The following ACAD9 variants were observed in gnomAD, a reference collection of about 807,000 sequenced individuals.
The protein encoded by ACAD9 is acyl-CoA dehydrogenase family member 9, also known as complex I assembly factor ACAD9, mitochondrial.
A neutral mutation model predicts 70.2 loss-of-function variants in ACAD9; 53 were observed. The ratio of observed to expected loss-of-function variants is 0.75; its 90% CI spans 0.61 to 0.95. The LOEUF (loss-of-function observed/expected upper bound fraction) is 0.95, where lower values mean the gene tolerates loss of function less well. Among genes scored for constraint, ACAD9 ranks in the 40% least tolerant of loss-of-function variants. The pLI, the probability that ACAD9 is intolerant of heterozygous loss-of-function variation, is 0.00. For synonymous variants in ACAD9, 313 were observed against 312.1 expected, an observed-to-expected ratio of 1.00 and a Z score of -0.03; for missense variants, 777 against 802.8, an observed-to-expected ratio of 0.97 and a Z score of 0.39.
intron 2 of ACAD9, among the ~76,000 whole-genome samples, chr3:128,887,644 A>ATATATATATATATATATATATATATATAT (rs1935291126): frequency 7.5e-6 from 1 of 133,106 alleles, no homozygotes; most frequent in African/African-American, 2.9e-5. Flanking sequence ...AAAATAAATA[A>ATATATATATATATATATATATATATATAT]ATATATATAT....
chr3:128,906,042 C>G (rs1487548456), intron 11 of ACAD9, 79 bp from the exon 12 acceptor site: 3 of 1,605,178 alleles, frequency 1.9e-6, no homozygotes, highest in African/African-American at 1.3e-5. Flanking sequence ...GCCCGTGTGC[C>G]TCCCATGCCT....
chr3:128,897,308 A>G (rs1201642075), intron 5 of ACAD9, among the ~76,000 whole-genome samples: 1 of 152,028 alleles, frequency 6.6e-6, no homozygotes, highest in Non-Finnish European at 1.5e-5. Flanking sequence ...CAGCCTCCCG[A>G]GTAGCTGGGA....
Position 128,909,440 on chromosome 3 carries a change from G to A in ACAD9, c.1563+19G>A, listed in dbSNP as rs1206344926. 1 of 1,613,158 alleles carries A rather than the reference G, an allele frequency of 6.2e-7. No homozygotes were observed. The highest frequency in any genetic ancestry group is 8.5e-7 in the Non-Finnish European group (1 of 1,179,884). On this transcript the variant is annotated intron_variant, in intron 15 of 17. Transcript: ENST00000308982. ...TGGCAAGGTAACCAGGCCCTCCCAG[G>A]CCTGGGTCGCAAGCGGTCCTCCAAT...
chr3:128,901,431 T>C, intron 8 of ACAD9, 82 bp downstream of exon 8: 1 of 1,477,274 alleles, frequency 6.8e-7, no homozygotes, highest in Non-Finnish European at 9.5e-7. Flanking sequence ...CTATCCCTGC[T>C]CGTAGCAGAG....
chr3:128,888,479 C>T (rs986753110), intron 2 of ACAD9, among the ~76,000 whole-genome samples: 1 of 151,828 alleles, frequency 6.6e-6, no homozygotes, highest in African/African-American at 2.4e-5. Flanking sequence ...CTGGGGAGGC[C>T]GAGGCAGGAG....
Position 128,908,973 on chromosome 3 carries a change from T to C in ACAD9, c.1359T>C (p.His453=). 1 of 1,613,368 alleles carries C rather than the reference T, an allele frequency of 6.2e-7. No individual in the cohort carries two copies. The highest frequency in any genetic ancestry group is 8.5e-7 in the Non-Finnish European group (1 of 1,179,394). Residue 453 remains histidine, a splice_region_variant and synonymous_variant, in exon 14 of 18, where the codon CAT becomes CAC. Transcript: ENST00000308982. ...TCACAGGACCATGGACTTTCTGCAG[T>C]GAGCTTAAACAGGCCAAAGTGAGCA... is the stretch of plus-strand genomic sequence containing the variant. ...HAGRILTTRI[H]ELKQAKVSTV...
intron 12 of ACAD9, among the ~76,000 whole-genome samples, chr3:128,906,549 G>A (rs960452065): frequency 3.3e-5 from 5 of 152,194 alleles, no homozygotes; most frequent in Non-Finnish European, 7.3e-5. Context: ...ATGACAGAGT[G>A]TAAAGAGGCA....
intron 2 of ACAD9, 24 bp from the exon 3 acceptor site, chr3:128,893,531 T>G: frequency 1.9e-6 from 3 of 1,541,464 alleles, no homozygotes; most frequent in Non-Finnish European, 2.7e-6. Context: ...TATATTTGTT[T>G]AATCAAGATT....
intron 3 of ACAD9, 86 bp from the exon 4 acceptor site, chr3:128,895,224 A>C (rs1283082817): frequency 1.0e-6 from 1 of 997,452 alleles, no homozygotes; most frequent in Non-Finnish European, 1.5e-6. Flanking sequence ...ATTACTTTAT[A>C]ATCAGAAGAA....
At chr3:128,898,468 C>T (rs764198086) in intron 6 of ACAD9, 13 of 446,322 alleles carry the variant, frequency 2.9e-5, no homozygotes, top group East Asian at 1.4e-4. Flanking sequence ...TGCAGTGGCA[C>T]GATCTTGGCT....
chr3:128,889,176 A>C (rs1030082336), intron 2 of ACAD9, among the ~76,000 whole-genome samples: 2 of 151,652 alleles, frequency 1.3e-5, no homozygotes, highest in Non-Finnish European at 2.9e-5. Context: ...TAAAAAAAAA[A>C]AAACAAAAAA....
intron 3 of ACAD9, among the ~76,000 whole-genome samples, chr3:128,895,064 A>G (rs1249623509): frequency 6.6e-6 from 1 of 150,550 alleles, no homozygotes. Flanking sequence ...TTTAGTAGAG[A>G]CGGGGTTTTG....
At chr3:128,899,237 G>A (rs750328127) in intron 6 of ACAD9, 50 bp from the exon 7 acceptor site, 4 of 1,590,494 alleles carry the variant, frequency 2.5e-6, no homozygotes, top group Non-Finnish European at 3.5e-6. Flanking sequence ...GAGCTGAGGT[G>A]GGTCACATAG....
intron 5 of ACAD9, 147 bp downstream of exon 5, chr3:128,896,683 C>T (rs1935579638): frequency 3.8e-6 from 3 of 797,654 alleles, no homozygotes; most frequent in Non-Finnish European, 6.4e-6. Context: ...CTGTTCTTGC[C>T]ATTCCTCTTA....
intron 11 of ACAD9, 85 bp from the exon 12 acceptor site, chr3:128,906,036 G>T (rs186712694): frequency 6.3e-7 from 1 of 1,594,100 alleles, no homozygotes; most frequent in Non-Finnish European, 8.6e-7. Context: ...CCCCAAGCCC[G>T]TGTGCCTCCC....
chr3:128,894,347 A>G (rs1935505730), intron 3 of ACAD9, among the ~76,000 whole-genome samples: 1 of 152,178 alleles, frequency 6.6e-6, no homozygotes, highest in Non-Finnish European at 1.5e-5. Context: ...GGGTCACACT[A>G]TAGTTGTTGC....
At chr3:128,886,577 A>G (rs141418644) in intron 2 of ACAD9, among the ~76,000 whole-genome samples, 7,503 of 151,760 alleles carry the variant, frequency 0.049, 378 homozygotes, top group African/African-American at 0.12. Context: ...GCGTGGTGGT[A>G]CATGCCTGTA....
chr3:128,908,782 G>C (rs1308671573), intron 13 of ACAD9, among the ~76,000 whole-genome samples, 191 bp from the exon 14 acceptor site: 2 of 152,210 alleles, frequency 1.3e-5, no homozygotes, highest in Non-Finnish European at 2.9e-5. Context: ...GAGCATATGT[G>C]TGGCTCCCCT....
In ACAD9 at chr3:128,899,518, TTGACGG is replaced by T. The variant is rs1373615655; in HGVS notation, c.808+60_808+65del. 5.5e-6 allele frequency: 8 copies of T among 1,461,476 alleles called. No homozygotes were observed. In the African/African-American group the frequency reaches 7.9e-5, roughly 14 times the overall value. 90.5% of individuals were successfully genotyped at this position (1,461,476 alleles called of 1,614,324 possible). ...GTGTGTGTAAGGGGGAGACTGGCCT[TTGACGG>T]TGTGTGTGTGTGTGTGTGTGTGTGT... is the stretch of plus-strand genomic sequence containing the variant. On this transcript the variant is annotated intron_variant, in intron 7 of 17. Coordinates refer to ENST00000308982, the MANE Select transcript of ACAD9 (RefSeq NM_014049.5).
Sources: allele counts gnomAD v4.1 joint callset (sites outside exome capture counted in the v4.1 genomes callset), GRCh38; gene constraint gnomAD v4.1.1; transcripts MANE v1.5; gene names NCBI Gene and HGNC (gene_info 2026-07-23, HGNC 2026-07-21).